The following RANBP2 variants were observed in gnomAD, a reference collection of about 807,000 sequenced individuals.
The protein encoded by RANBP2 is E3 SUMO-protein ligase RanBP2.
RANBP2 carries 57 observed loss-of-function variants against 303.6 expected under a neutral mutation model. The observed-to-expected ratio is 0.19, with a 90% CI of 0.15 to 0.23. The LOEUF (loss-of-function observed/expected upper bound fraction) is 0.23, where lower values mean the gene tolerates loss of function less well. Ranked by LOEUF, RANBP2 falls within the 10% of genes least tolerant of loss-of-function variation. The probability of loss-of-function intolerance (pLI) is 1.00; values close to 1 mark genes in which losing one functional copy is unlikely to be tolerated. For synonymous variants in RANBP2, 1,167 were observed against 1,301.5 expected (o/e 0.90, Z 2.23); for missense variants, 3,138 against 3,780.8 (o/e 0.83, Z 4.46).
the RANBP2 span, among the ~76,000 whole-genome samples, chr2:108,795,675 A>G: frequency 6.6e-6 from 1 of 152,164 alleles, no homozygotes; most frequent in Non-Finnish European, 1.5e-5. Context: ...TCACCAGGAA[A>G]AGTTTAGGGA....
the RANBP2 span, among the ~76,000 whole-genome samples, chr2:109,238,024 G>T: frequency 2.6e-5 from 4 of 151,994 alleles, no homozygotes; most frequent in South Asian, 8.3e-4. Flanking sequence ...TGGGAAACAT[G>T]ATGAGGCCCC....
the RANBP2 span, among the ~76,000 whole-genome samples, chr2:109,014,965 C>T: frequency 2.0e-5 from 3 of 151,550 alleles, no homozygotes; most frequent in Admixed American, 6.6e-5. Context: ...ACTAAAAATA[C>T]AAAAATTAGC....
At chr2:109,488,902 G>C in the RANBP2 span, among the ~76,000 whole-genome samples, 1 of 152,224 alleles carries the variant, frequency 6.6e-6, no homozygotes, top group East Asian at 1.9e-4. Context: ...AAGCCCAGTA[G>C]CGGAGTCAGG....
chr2:108,925,921 T>C, the RANBP2 span, among the ~76,000 whole-genome samples: 1 of 152,162 alleles, frequency 6.6e-6, no homozygotes, highest in African/African-American at 2.4e-5. Flanking sequence ...TGACCGGTGA[T>C]AAACTTTTAA....
the RANBP2 span, among the ~76,000 whole-genome samples, chr2:109,211,995 G>A: frequency 5.9e-5 from 9 of 152,218 alleles, no homozygotes; most frequent in Non-Finnish European, 8.8e-5. Flanking sequence ...GAATGCCACT[G>A]AATTCAATAA....
chr2:108,970,376 A>G, the RANBP2 span, among the ~76,000 whole-genome samples: 1 of 152,212 alleles, frequency 6.6e-6, no homozygotes, highest in Admixed American at 6.5e-5. Context: ...GTTAGCAAGA[A>G]GAGAACCTGG....
chr2:108,915,689 G>C, the RANBP2 span, among the ~76,000 whole-genome samples: 1 of 152,112 alleles, frequency 6.6e-6, no homozygotes, highest in Non-Finnish European at 1.5e-5. Context: ...CACCTAAGAG[G>C]AGTTTGAGAC....
At chr2:109,494,589 G>A in the RANBP2 span, among the ~76,000 whole-genome samples, 2,160 of 152,264 alleles carry the variant, frequency 0.014, 49 homozygotes, top group African/African-American at 0.05. Context: ...GCTGGGCTGC[G>A]CCCTGTGCAG....
the RANBP2 span, among the ~76,000 whole-genome samples, chr2:109,392,929 T>A: frequency 3.3e-5 from 5 of 152,190 alleles, no homozygotes; most frequent in Non-Finnish European, 7.3e-5. Context: ...GGGGTGCCTA[T>A]GAGGAGGGCG....
chr2:109,717,136 A>C, the RANBP2 span, among the ~76,000 whole-genome samples: 1 of 152,226 alleles, frequency 6.6e-6, no homozygotes, highest in African/African-American at 2.4e-5. Flanking sequence ...GAAAATCCTA[A>C]GAAATTCACT....
intron 7 of RANBP2, among the ~76,000 whole-genome samples, chr2:108,741,811 CT>C (rs397872027): frequency 0.11 from 11,959 of 108,752 alleles, 718 homozygotes; most frequent in African/African-American, 0.2. Context: ...CACACCCAGC[CT>C]TTTTTTTTTT....
chr2:109,102,012 A>G, the RANBP2 span, among the ~76,000 whole-genome samples: 3 of 152,234 alleles, frequency 2.0e-5, no homozygotes, highest in African/African-American at 7.2e-5. Context: ...GATCATAACA[A>G]AAATCCAAAA....
At chr2:109,453,886 G>A in the RANBP2 span, among the ~76,000 whole-genome samples, 1 of 152,224 alleles carries the variant, frequency 6.6e-6, no homozygotes, top group Non-Finnish European at 1.5e-5. Context: ...GGGTCAGCCT[G>A]AGCAGAGGCC....
At chr2:108,777,509 T>C (rs1439124029) in intron 25 of RANBP2, among the ~76,000 whole-genome samples, 1 of 152,174 alleles carries the variant, frequency 6.6e-6, no homozygotes, top group Non-Finnish European at 1.5e-5. Context: ...CTGACTTTGA[T>C]CCTTACTCTT....
chr2:109,537,743 C>T, the RANBP2 span, among the ~76,000 whole-genome samples: 4 of 152,060 alleles, frequency 2.6e-5, no homozygotes, highest in African/African-American at 7.2e-5. Flanking sequence ...CTCAGGAGTT[C>T]GAGACAAGCC....
chr2:108,937,043 AG>A, the RANBP2 span, among the ~76,000 whole-genome samples: 1 of 152,240 alleles, frequency 6.6e-6, no homozygotes, highest in Non-Finnish European at 1.5e-5. Flanking sequence ...ACAGACACGC[AG>A]AGCACAGGCC....
chr2:109,575,994 C>T, the RANBP2 span, among the ~76,000 whole-genome samples: 2 of 152,122 alleles, frequency 1.3e-5, no homozygotes, highest in Non-Finnish European at 1.5e-5. Context: ...CAGTGGCTCA[C>T]ATCTGTAATC....
At chr2:109,133,827 G>A in the RANBP2 span, among the ~76,000 whole-genome samples, 1 of 151,970 alleles carries the variant, frequency 6.6e-6, no homozygotes, top group Admixed American at 6.6e-5. Flanking sequence ...AGCATAGTTG[G>A]GAATAAGGAC....
At chr2:108,935,831 C>A in the RANBP2 span, among the ~76,000 whole-genome samples, 1 of 152,228 alleles carries the variant, frequency 6.6e-6, no homozygotes, top group Non-Finnish European at 1.5e-5. Context: ...GGGAGCCAGA[C>A]ATGGAAGACA....
Sources: gnomAD v4.1 joint callset for allele counts (sites outside exome capture counted in the v4.1 genomes callset) on GRCh38, gnomAD v4.1.1 for gene constraint, MANE v1.5 for transcripts, NCBI Gene and HGNC (gene_info 2026-07-23, HGNC 2026-07-21) for gene names.